The following DNAH14 variants were observed in gnomAD, a reference collection of about 807,000 sequenced individuals.
DNAH14 encodes axonemal beta dynein heavy chain 14.
In DNAH14, 478 loss-of-function variants were observed where a neutral mutation model predicts 520.9. That is an observed-to-expected ratio of 0.92 (90% CI 0.85 to 0.99). The LOEUF is 0.99. Ranked by LOEUF, DNAH14 falls within the 50% of genes least tolerant of loss-of-function variation. The pLI, the probability that DNAH14 is intolerant of heterozygous loss-of-function variation, is 0.00. For synonymous variants in DNAH14, 1,581 were observed against 1,757.2 expected (o/e 0.90, Z 2.51); for missense variants, 4,831 against 5,234.5 (o/e 0.92, Z 2.38).
intron 19 of DNAH14, among the ~76,000 whole-genome samples, chr1:225,082,054 C>G (rs114404476): frequency 6.6e-6 from 1 of 151,898 alleles, no homozygotes; most frequent in Non-Finnish European, 1.5e-5. Context: ...GCGGATCATT[C>G]GAGGCCAGGA....
chr1:225,072,675 T>C (rs1246481459), intron 17 of DNAH14, among the ~76,000 whole-genome samples: 1 of 152,240 alleles, frequency 6.6e-6, no homozygotes, highest in African/African-American at 2.4e-5. Flanking sequence ...CTTTGTGTGC[T>C]TATCTACATT....
intron 8 of DNAH14, among the ~76,000 whole-genome samples, chr1:224,994,882 C>G (rs986772222): frequency 2.6e-5 from 4 of 151,952 alleles, no homozygotes; most frequent in Admixed American, 2.6e-4. Flanking sequence ...ACATCTTATG[C>G]CTGTAACAGA....
intron 27 of DNAH14, among the ~76,000 whole-genome samples, chr1:225,124,337 C>T (rs935043418): frequency 2.0e-5 from 3 of 152,144 alleles, no homozygotes; most frequent in Admixed American, 6.5e-5. Context: ...TTGTAGCGTG[C>T]GATGCTTTCT....
intron 8 of DNAH14, among the ~76,000 whole-genome samples, chr1:224,999,629 C>T (rs781531167): frequency 4.0e-5 from 6 of 151,778 alleles, no homozygotes; most frequent in Admixed American, 2.0e-4. Flanking sequence ...TTATTCTGTT[C>T]GTTCTCTCTG....
chr1:224,981,996 G>GTAAA (rs749165696), intron 8 of DNAH14, among the ~76,000 whole-genome samples: 1 of 152,136 alleles, frequency 6.6e-6, no homozygotes, highest in African/African-American at 2.4e-5. Context: ...AGGTCATAGG[G>GTAAA]TAAATACTAG....
intron 41 of DNAH14, among the ~76,000 whole-genome samples, chr1:225,210,779 T>C (rs923270429): frequency 5.9e-5 from 9 of 152,296 alleles, no homozygotes; most frequent in African/African-American, 2.2e-4. Flanking sequence ...TGGGTGCCCC[T>C]GTGGGATGAA....
At chr1:225,154,923 A>G (rs1387680622) in intron 34 of DNAH14, among the ~76,000 whole-genome samples, 2 of 152,114 alleles carry the variant, frequency 1.3e-5, no homozygotes, top group African/African-American at 4.8e-5. Context: ...CTTAATATAT[A>G]AAGATTTTCT....
chr1:225,361,103 C>G (rs2095487628), intron 75 of DNAH14, among the ~76,000 whole-genome samples: 1 of 152,088 alleles, frequency 6.6e-6, no homozygotes, highest in Non-Finnish European at 1.5e-5. Flanking sequence ...TTTTTAAGGC[C>G]TCTTCAGTTT....
chr1:225,241,222 A>G (rs1351864440), intron 43 of DNAH14, among the ~76,000 whole-genome samples: 1 of 152,124 alleles, frequency 6.6e-6, no homozygotes, highest in Non-Finnish European at 1.5e-5. Flanking sequence ...AGATTTCCTT[A>G]GTACTTGTGC....
At chr1:225,289,864 T>G in intron 54 of DNAH14, 21 bp from the exon 55 acceptor site, 1 of 1,332,042 alleles carries the variant, frequency 7.5e-7, no homozygotes, top group Non-Finnish European at 9.7e-7. Context: ...TGTCATGTGT[T>G]GTATTTCTTT....
At chr1:225,279,367 G>A (rs2093573288) in intron 54 of DNAH14, among the ~76,000 whole-genome samples, 1 of 152,188 alleles carries the variant, frequency 6.6e-6, no homozygotes, top group Admixed American at 6.5e-5. Flanking sequence ...GGGTCAAGGT[G>A]ACACTAGGGT....
At chr1:225,128,401 G>A (rs1440053842) in intron 27 of DNAH14, among the ~76,000 whole-genome samples, 4 of 152,130 alleles carry the variant, frequency 2.6e-5, no homozygotes, top group Admixed American at 6.6e-5. Flanking sequence ...GATGAACATC[G>A]ATGCAAAAAT....
intron 54 of DNAH14, among the ~76,000 whole-genome samples, chr1:225,285,548 AAAG>A (rs1365553993): frequency 6.6e-6 from 1 of 151,818 alleles, no homozygotes; most frequent in South Asian, 2.1e-4. Context: ...CTGTCTCAAA[AAAG>A]AAAAAGAAAA....
intron 68 of DNAH14, 38 bp from the exon 69 acceptor site, chr1:225,340,419 C>T (rs1375117289): frequency 1.3e-6 from 2 of 1,488,340 alleles, no homozygotes; most frequent in Non-Finnish European, 1.8e-6. Context: ...TTTTCTTCTA[C>T]ATGTTCTTTG....
rs4653418 is a variant in DNAH14, at chr1:225,318,560, G to A, written c.9241-23G>A. 320,314 of 1,530,284 alleles carry A rather than the reference G, an allele frequency of 0.21. 35,158 individuals are homozygous for A. The highest frequency in any genetic ancestry group is 0.34 in the East Asian group (13,864 of 40,714). The allele number at this position is 1,530,284 out of a possible 1,614,324, so 94.8% of individuals were successfully genotyped here. A position where few individuals can be genotyped will look rare whatever the true frequency, so the allele number is the denominator to read the frequency against. ...CAACTATATTGATTCATATGTGTTTGGGGACCTATATTTTTATTGCAGAAA... is the reference window on the plus strand; with the variant it reads ...CAACTATATTGATTCATATGTGTTTAGGGACCTATATTTTTATTGCAGAAA... On this transcript the variant is annotated intron_variant, in intron 60 of 85. Transcript: ENST00000682510.
At chr1:225,327,453 A>G (rs1249718866) in intron 64 of DNAH14, among the ~76,000 whole-genome samples, 2 of 152,040 alleles carry the variant, frequency 1.3e-5, no homozygotes, top group African/African-American at 2.4e-5. Flanking sequence ...CAGCCACCGC[A>G]CCTGGCCGAC....
chr1:225,311,929 C>T (rs1456962503), intron 60 of DNAH14, among the ~76,000 whole-genome samples: 1 of 152,054 alleles, frequency 6.6e-6, no homozygotes, highest in East Asian at 1.9e-4. Flanking sequence ...GATATACAGG[C>T]TGTTTTTTGG....
At chr1:224,997,160 C>T (rs114169321) in intron 8 of DNAH14, among the ~76,000 whole-genome samples, 3,275 of 152,080 alleles carry the variant, frequency 0.022, 46 homozygotes, top group Non-Finnish European at 0.029. Flanking sequence ...TTGCCATGGG[C>T]TCTGTCTCCT....
chr1:225,269,094 G>A (rs1271187174), intron 49 of DNAH14, among the ~76,000 whole-genome samples: 7 of 152,182 alleles, frequency 4.6e-5, no homozygotes, highest in African/African-American at 9.7e-5. Context: ...CAAGGCTACC[G>A]TAACCAAAAC....
Sources: allele counts gnomAD v4.1 joint callset (sites outside exome capture counted in the v4.1 genomes callset), GRCh38; gene constraint gnomAD v4.1.1; transcripts MANE v1.5; gene names NCBI Gene and HGNC (gene_info 2026-07-23, HGNC 2026-07-21).